TENM1: variants seen among roughly 807,000 people sequenced by gnomAD.
TENM1 encodes the protein teneurin transmembrane protein 1, also known as teneurin-1.
Under a neutral mutation model 174.8 loss-of-function variants are expected in TENM1, and 35 were observed. That is an observed-to-expected ratio of 0.20 (90% CI 0.15 to 0.27). The LOEUF (loss-of-function observed/expected upper bound fraction) is 0.27. TENM1 is among the 10% of genes least tolerant of loss of function. TENM1 has a pLI of 1.00. For missense variants in TENM1, 1,633 were observed against 2,130.1 expected (o/e 0.77, Z 4.59); for synonymous variants, 781 against 798.7 (o/e 0.98, Z 0.37).
At chrX:125,118,089 A>C in the TENM1 span, among the ~76,000 whole-genome samples, 31 of 111,950 alleles carry the variant, frequency 2.8e-4, no homozygotes, top group African/African-American at 7.8e-4. Context: ...GGATGGAACC[A>C]CAGGCCATTA....
chrX:124,831,598 G>T (rs1348170374), intron 3 of TENM1, among the ~76,000 whole-genome samples: 1 of 111,634 alleles, frequency 9.0e-6, no homozygotes, highest in East Asian at 2.8e-4. Flanking sequence ...AAAACAGAGT[G>T]GTACTTCAAG....
chrX:124,753,215 T>G (rs199644545), intron 3 of TENM1, among the ~76,000 whole-genome samples: 15,586 of 109,347 alleles, frequency 0.14, 1,484 homozygotes, highest in African/African-American at 0.32. Flanking sequence ...TCCCTTGTAA[T>G]TTGGATTCCT....
chrX:124,956,083 C>A (rs756769117), intron 1 of TENM1, among the ~76,000 whole-genome samples: 10 of 111,871 alleles, frequency 8.9e-5, no homozygotes, highest in Non-Finnish European at 1.5e-4. Flanking sequence ...GCCTTACTTC[C>A]GGTCTGTTGT....
chrX:124,547,274 C>T (rs893002874), intron 14 of TENM1, among the ~76,000 whole-genome samples, 184 bp from the exon 18 acceptor site: 2 of 112,205 alleles, frequency 1.8e-5, no homozygotes, highest in African/African-American at 3.2e-5. Flanking sequence ...CACATGGCAC[C>T]TCAGAGAAAT....
chrX:124,972,723 G>A, the TENM1 span, among the ~76,000 whole-genome samples: 1 of 111,772 alleles, frequency 8.9e-6, no homozygotes, highest in Admixed American at 9.5e-5. Flanking sequence ...TTAGGAGATG[G>A]GCTGAGAATT....
the TENM1 span, among the ~76,000 whole-genome samples, chrX:125,092,272 C>G: frequency 1.1e-4 from 12 of 111,299 alleles, no homozygotes; most frequent in Non-Finnish European, 2.1e-4. Context: ...AGGATCCCAA[C>G]AGAAGTAAGC....
At position 124,928,448 on chromosome X, in the gene TENM1, A is replaced by G. The variant is rs189941471; in HGVS notation, c.218-32207T>C. 5.6e-3 allele frequency among the ~76,000 whole-genome samples: 624 copies of G among 112,220 alleles called. 3 individuals carry two copies. Among genetic ancestry groups the G allele is most frequent in the African/African-American group, 0.019 (596 of 30,919 alleles). On this transcript the variant is annotated intron_variant, in intron 1 of 31. Coordinates refer to ENST00000422452, the Ensembl canonical transcript of TENM1. Reference sequence around the variant, plus strand: ...AAGGAATGGCAATTCCTTAAAGAACATCTGTACAGATTGAAGCTAATTAGA... The same window carrying G: ...AAGGAATGGCAATTCCTTAAAGAACGTCTGTACAGATTGAAGCTAATTAGA...
At chrX:125,051,057 G>GACAA in the TENM1 span, among the ~76,000 whole-genome samples, 75 of 111,168 alleles carry the variant, frequency 6.7e-4, no homozygotes, top group African/African-American at 2.2e-3. Flanking sequence ...ACCAATAACA[G>GACAA]ACAGAGAGCC....
intron 12 of TENM1, among the ~76,000 whole-genome samples, chrX:124,564,348 T>C (rs1319513522): frequency 8.9e-6 from 1 of 112,119 alleles, no homozygotes; most frequent in Non-Finnish European, 1.9e-5. Context: ...ATGTATTATA[T>C]ATATTATACA....
In TENM1 at chrX:124,391,634, A is replaced by T. The variant is rs186356397; in HGVS notation, c.5688+418T>A. Among the ~76,000 whole-genome samples the T allele has an allele frequency of 3.4e-3, 382 of 111,804 alleles. 3 individuals carry two copies. Among genetic ancestry groups the T allele is most frequent in the Middle Eastern group, 0.014 (3 of 219 alleles). ...AATGTATACAACTAAAACTTCACTG[A>T]CTATCCTAACAAAATTAGAATTGCT... On this transcript the variant is annotated intron_variant, in intron 28 of 31. Coordinates refer to ENST00000422452, the Ensembl canonical transcript of TENM1.
chrX:124,384,153 G>A (rs1569528389), exon 30 of TENM1: 1 of 1,211,412 alleles, frequency 8.3e-7, no homozygotes, highest in Non-Finnish European at 1.1e-6. Context: ...CGTCGCCCAA[G>A]CCCATCATAG....
chrX:124,463,759 T>C, intron 22 of TENM1, among the ~76,000 whole-genome samples: 1 of 110,439 alleles, frequency 9.1e-6, no homozygotes, highest in East Asian at 2.8e-4. Context: ...AAGGTGGTGG[T>C]AATGTCTCAA....
intron 3 of TENM1, among the ~76,000 whole-genome samples, chrX:124,872,426 A>AT (rs1252764625): frequency 8.9e-6 from 1 of 111,959 alleles, no homozygotes; most frequent in Non-Finnish European, 1.9e-5. Flanking sequence ...ATACGGGACA[A>AT]TTTTTTACCA....
At chrX:125,069,092 C>T in the TENM1 span, among the ~76,000 whole-genome samples, 1 of 111,463 alleles carries the variant, frequency 9.0e-6, no homozygotes, top group Non-Finnish European at 1.9e-5. Flanking sequence ...GCTTCTAGTG[C>T]ATCCATCACC....
chrX:124,554,589 A>G (rs2048653228), intron 14 of TENM1, among the ~76,000 whole-genome samples: 1 of 112,692 alleles, frequency 8.9e-6, no homozygotes, highest in African/African-American at 3.2e-5. Flanking sequence ...ACCAAATCTC[A>G]AAAGTAAATG....
intron 13 of TENM1, among the ~76,000 whole-genome samples, chrX:124,562,302 C>G (rs2048835194): frequency 1.8e-5 from 2 of 111,377 alleles, no homozygotes; most frequent in Non-Finnish European, 3.8e-5. Context: ...ACAGTTCAGA[C>G]CACACCATTA....
chrX:125,037,796 T>A, the TENM1 span, among the ~76,000 whole-genome samples: 8 of 111,640 alleles, frequency 7.2e-5, no homozygotes, highest in Non-Finnish European at 1.5e-4. Flanking sequence ...TAATCTTTCC[T>A]CATAAATTAG....
At chrX:125,035,294 G>C in the TENM1 span, among the ~76,000 whole-genome samples, 2 of 111,461 alleles carry the variant, frequency 1.8e-5, no homozygotes, top group Non-Finnish European at 3.8e-5. Context: ...TGACTCAAAT[G>C]CAGTTGATAC....
chrX:124,853,311 G>A (rs1023828987), intron 3 of TENM1, among the ~76,000 whole-genome samples: 11 of 111,017 alleles, frequency 9.9e-5, no homozygotes, highest in African/African-American at 2.6e-4. Context: ...GCAAAGGGCC[G>A]GAAAAAAATT....
Sources: allele counts gnomAD v4.1 joint callset (sites outside exome capture counted in the v4.1 genomes callset), GRCh38; gene constraint gnomAD v4.1.1; transcripts MANE v1.5; gene names NCBI Gene and HGNC (gene_info 2026-07-23, HGNC 2026-07-21).